The following TUSC3 variants were observed in gnomAD, a reference collection of about 807,000 sequenced individuals.
TUSC3 encodes tumor suppressor candidate 3, also known as dolichyl-diphosphooligosaccharide--protein glycosyltransferase subunit TUSC3.
In TUSC3, 45 loss-of-function variants were observed where a neutral mutation model predicts 44.8. That is an observed-to-expected ratio of 1.00 (90% CI 0.79 to 1.29). The LOEUF (loss-of-function observed/expected upper bound fraction) is 1.29. TUSC3 is among the 50% of genes most tolerant of loss of function. The probability of loss-of-function intolerance (pLI) is 0.00; values close to 1 mark genes in which losing one functional copy is unlikely to be tolerated. For synonymous variants in TUSC3, 212 were observed against 152.9 expected (o/e 1.39, Z -2.85); for missense variants, 519 against 437.9 (o/e 1.19, Z -1.65).
At chr8:15,469,125 C>G (rs575719040) in intron 1 of TUSC3, among the ~76,000 whole-genome samples, 1 of 152,012 alleles carries the variant, frequency 6.6e-6, no homozygotes, top group Admixed American at 6.6e-5. Flanking sequence ...GCAATTTGAA[C>G]CACCAAAGCA....
chr8:15,613,226 T>C (rs1804839381), intron 1 of TUSC3, among the ~76,000 whole-genome samples: 1 of 142,300 alleles, frequency 7.0e-6, no homozygotes, highest in Non-Finnish European at 1.5e-5. Context: ...TAACATGTCT[T>C]ACAGTGCTTT....
At chr8:15,454,936 T>G (rs535185143) in intron 1 of TUSC3, among the ~76,000 whole-genome samples, 16 of 152,256 alleles carry the variant, frequency 1.1e-4, no homozygotes, top group African/African-American at 3.9e-4. Flanking sequence ...ATCTAGCAGA[T>G]GTAACAGGCT....
intron 6 of TUSC3, among the ~76,000 whole-genome samples, chr8:15,687,239 G>T (rs577690470): frequency 6.6e-6 from 1 of 152,034 alleles, no homozygotes; most frequent in African/African-American, 2.4e-5. Flanking sequence ...TCTGTTTCCA[G>T]TAGTAGTACA....
chr8:15,634,358 A>C (rs910806264), intron 2 of TUSC3, among the ~76,000 whole-genome samples: 1 of 152,164 alleles, frequency 6.6e-6, no homozygotes, highest in South Asian at 2.1e-4. Context: ...ACCCGCAGGG[A>C]GTAGTTAGTT....
chr8:15,788,184 T>G, the TUSC3 span, among the ~76,000 whole-genome samples: 1 of 152,190 alleles, frequency 6.6e-6, no homozygotes, highest in Non-Finnish European at 1.5e-5. Context: ...TGTTTAGACC[T>G]TGACCACTAA....
At chr8:15,446,944 C>A in intron 1 of TUSC3, among the ~76,000 whole-genome samples, 1 of 149,128 alleles carries the variant, frequency 6.7e-6, no homozygotes. Context: ...CTTAAAAATG[C>A]AATATTAAAA....
rs371550628 is a variant in TUSC3, at chr8:15,622,647, C to G, written c.139-433C>G. ...AACACTCTTTTGTGTATAGTTGCAG[C>G]TTTGTGTTTGTGGGGGTGGTTGTGA... On this transcript the variant is annotated intron_variant, in intron 1 of 10. Transcript: ENST00000503731. 1.8e-4 allele frequency among the ~76,000 whole-genome samples: 27 copies of G among 152,062 alleles called. 1 individual carries two copies. Among genetic ancestry groups the G allele is most frequent in the Admixed American group, 1.8e-3 (27 of 15,250 alleles).
the TUSC3 span, among the ~76,000 whole-genome samples, chr8:15,834,648 T>G: frequency 6.6e-6 from 1 of 152,196 alleles, no homozygotes; most frequent in Non-Finnish European, 1.5e-5. Flanking sequence ...ATATTTCATA[T>G]ATTTCCTATC....
intron 6 of TUSC3, among the ~76,000 whole-genome samples, chr8:15,729,961 T>G (rs1032551653): frequency 6.6e-6 from 1 of 152,002 alleles, no homozygotes; most frequent in Non-Finnish European, 1.5e-5. Flanking sequence ...TGATTTATAC[T>G]CCAAGGTGTT....
chr8:15,586,555 C>T (rs964986300), intron 1 of TUSC3, among the ~76,000 whole-genome samples: 2 of 152,052 alleles, frequency 1.3e-5, no homozygotes, highest in Non-Finnish European at 2.9e-5. Context: ...TCAGGCCCAG[C>T]CAGGACACAC....
At chr8:15,800,593 G>A in the TUSC3 span, among the ~76,000 whole-genome samples, 1 of 151,020 alleles carries the variant, frequency 6.6e-6, no homozygotes, top group East Asian at 1.9e-4. Flanking sequence ...AAAAAAGAAA[G>A]AAAGAAAAAC....
intron 6 of TUSC3, among the ~76,000 whole-genome samples, chr8:15,685,684 A>G (rs1485458286): frequency 2.0e-5 from 3 of 152,112 alleles, no homozygotes; most frequent in Non-Finnish European, 2.9e-5. Flanking sequence ...CACTGTTTAG[A>G]ATGGCGCATA....
chr8:15,775,689 TACAC>T, the TUSC3 span, among the ~76,000 whole-genome samples: 1 of 62,314 alleles, frequency 1.6e-5, no homozygotes, highest in Admixed American at 1.3e-4. Flanking sequence ...AATACATATG[TACAC>T]ACACACATAT....
chr8:15,586,211 C>G (rs943528425), intron 1 of TUSC3, among the ~76,000 whole-genome samples: 1 of 152,096 alleles, frequency 6.6e-6, no homozygotes, highest in Non-Finnish European at 1.5e-5. Flanking sequence ...TCAGTAGTGA[C>G]TGTGAAGGAC....
At chr8:15,755,987 C>A (rs1388255832) in intron 9 of TUSC3, among the ~76,000 whole-genome samples, 2 of 152,130 alleles carry the variant, frequency 1.3e-5, no homozygotes, top group Non-Finnish European at 2.9e-5. Context: ...TACATCAAGT[C>A]TCTGCTTTTG....
intron 6 of TUSC3, among the ~76,000 whole-genome samples, chr8:15,702,877 T>C (rs1469830674): frequency 1.3e-5 from 2 of 152,164 alleles, no homozygotes; most frequent in Non-Finnish European, 2.9e-5. Flanking sequence ...GGTTTCAGCA[T>C]TGCTAGGCAT....
chr8:15,749,732 G>GTTTTTTTTTT (rs71211080), intron 9 of TUSC3, among the ~76,000 whole-genome samples: 1 of 140,386 alleles, frequency 7.1e-6, no homozygotes, highest in Non-Finnish European at 1.5e-5. Flanking sequence ...GAAAGATGAA[G>GTTTTTTTTTT]TTTTTTTTTT....
intron 1 of TUSC3, among the ~76,000 whole-genome samples, chr8:15,541,748 AT>A (rs1005058050): frequency 9.2e-5 from 14 of 151,634 alleles, no homozygotes; most frequent in African/African-American, 1.2e-4. Flanking sequence ...TAAATTAATG[AT>A]TTTTTTTAGC....
In TUSC3 at chr8:15,716,091, A is replaced by G. The variant is rs1321554963; in HGVS notation, c.799-14575A>G. Among the ~76,000 whole-genome samples, 4 of 152,040 alleles carry G rather than the reference A, an allele frequency of 2.6e-5. 1 individual carries two copies. The East Asian group carries it at 7.8e-4, about 29-fold the overall frequency. On this transcript the variant is annotated intron_variant, in intron 6 of 10. Transcript: ENST00000503731. Reference sequence around the variant, plus strand: ...GCCAACATGGTGAAACCCCGCCTCTACTAAAAATACAAAAATTAGCTTGGC... The same window carrying G: ...GCCAACATGGTGAAACCCCGCCTCTGCTAAAAATACAAAAATTAGCTTGGC...
Sources: gnomAD v4.1 joint callset for allele counts (sites outside exome capture counted in the v4.1 genomes callset) on GRCh38, gnomAD v4.1.1 for gene constraint, MANE v1.5 for transcripts, NCBI Gene and HGNC (gene_info 2026-07-23, HGNC 2026-07-21) for gene names.